Variants in CSMD2 observed in about 807,000 individuals in gnomAD.
CSMD2 encodes CUB and Sushi multiple domains 2.
CSMD2 carries 130 observed loss-of-function variants against 398.5 expected under a neutral mutation model. The observed-to-expected ratio is 0.33, with a 90% CI of 0.28 to 0.38. CSMD2 has a LOEUF of 0.38. Ranked by LOEUF, CSMD2 falls within the 10% of genes least tolerant of loss-of-function variation. The pLI is 1.00. For missense variants in CSMD2, 3,829 were observed against 4,764.9 expected (o/e 0.80, Z 5.78); for synonymous variants, 1,828 against 1,908.5 (o/e 0.96, Z 1.10).
intron 1 of CSMD2, among the ~76,000 whole-genome samples, chr1:34,148,909 C>T (rs767850922): frequency 6.6e-6 from 1 of 152,134 alleles, no homozygotes; most frequent in Non-Finnish European, 1.5e-5. Flanking sequence ...CCAAGAGGCT[C>T]CATTTCTAAC....
rs144275868 is a variant in CSMD2, at chr1:33,902,814, G to T, written c.920+15280C>A. Among the ~76,000 whole-genome samples, 219 of 152,256 alleles carry T rather than the reference G, an allele frequency of 1.4e-3. 1 individual carries two copies. Among genetic ancestry groups the T allele is most frequent in the Non-Finnish European group, 2.0e-3 (134 of 68,020 alleles). ...GGTCCCCAAGTTCACTCCTGAGAGT[G>T]GGAAGCCTGTTCATCACCCTCTGAT... On this transcript the variant is annotated intron_variant, in intron 5 of 70. Coordinates refer to ENST00000373381, the MANE Select transcript of CSMD2 (RefSeq NM_001281956.2).
rs1654859538 is a variant in CSMD2, at chr1:33,527,265, G to A, written c.10172-7C>T. Reference sequence around the variant, plus strand: ...CTCCCACTGGGCCGGACCTCTGCTGGGGAAAAAGAGTGGAAGAAAACAGGT... The same window carrying A: ...CTCCCACTGGGCCGGACCTCTGCTGAGGAAAAAGAGTGGAAGAAAACAGGT... On this transcript the variant is annotated splice_polypyrimidine_tract_variant and splice_region_variant and intron_variant, in intron 64 of 70. Coordinates refer to ENST00000373381, the MANE Select transcript of CSMD2 (RefSeq NM_001281956.2). The A allele has an allele frequency of 6.2e-7, 1 of 1,608,160 alleles. No homozygotes were observed. Among genetic ancestry groups the A allele is most frequent in the Admixed American group, 1.7e-5 (1 of 58,894 alleles).
chr1:34,016,720 T>C (rs1648166625), intron 3 of CSMD2, among the ~76,000 whole-genome samples: 1 of 152,226 alleles, frequency 6.6e-6, no homozygotes, highest in Non-Finnish European at 1.5e-5. Flanking sequence ...AGTGATAGAC[T>C]GCATAAAGAA....
intron 4 of CSMD2, among the ~76,000 whole-genome samples, chr1:33,926,998 G>A (rs140575491): frequency 6.6e-6 from 1 of 152,258 alleles, no homozygotes; most frequent in African/African-American, 2.4e-5. Flanking sequence ...TGGGGTCCTT[G>A]GAATTGGCTT....
At chr1:33,665,627 T>C (rs1644285887) in intron 25 of CSMD2, among the ~76,000 whole-genome samples, 1 of 151,976 alleles carries the variant, frequency 6.6e-6, no homozygotes, top group Admixed American at 6.6e-5. Context: ...GGGGTTTTTC[T>C]GTGTTGCTCA....
intron 3 of CSMD2, among the ~76,000 whole-genome samples, chr1:34,003,621 G>A (rs1646968859): frequency 6.6e-6 from 1 of 152,158 alleles, no homozygotes; most frequent in African/African-American, 2.4e-5. Context: ...TGCTGGCATG[G>A]ATTAGGTTGC....
chr1:34,159,603 T>C (rs1641142909), intron 1 of CSMD2, among the ~76,000 whole-genome samples: 1 of 152,210 alleles, frequency 6.6e-6, no homozygotes, highest in Admixed American at 6.5e-5. Flanking sequence ...ATTTACTTAG[T>C]GCGTGGATAA....
intron 28 of CSMD2, among the ~76,000 whole-genome samples, 165 bp from the exon 29 acceptor site, chr1:33,647,000 C>T (rs938307302): frequency 1.3e-5 from 2 of 152,066 alleles, no homozygotes; most frequent in Non-Finnish European, 2.9e-5. Context: ...AAGATGAGGC[C>T]CTGATGACCT....
chr1:33,756,092 T>C (rs1648973169), intron 13 of CSMD2, among the ~76,000 whole-genome samples: 1 of 152,232 alleles, frequency 6.6e-6, no homozygotes. Flanking sequence ...GACCGTCCCT[T>C]GGCAGTCATT....
intron 1 of CSMD2, among the ~76,000 whole-genome samples, chr1:34,142,413 C>A (rs1424738446): frequency 6.6e-6 from 1 of 152,156 alleles, no homozygotes; most frequent in Non-Finnish European, 1.5e-5. Flanking sequence ...AGACGCAAGT[C>A]CTGAAATTCA....
intron 22 of CSMD2, 53 bp downstream of exon 22, chr1:33,709,036 G>A (rs1052955126): frequency 6.9e-7 from 1 of 1,459,280 alleles, no homozygotes; most frequent in African/African-American, 1.4e-5. Flanking sequence ...AGTGAGTATT[G>A]ACTAGACTAT....
At chr1:33,589,940 A>T (rs549949489) in intron 44 of CSMD2, among the ~76,000 whole-genome samples, 1 of 152,204 alleles carries the variant, frequency 6.6e-6, no homozygotes, top group South Asian at 2.1e-4. Context: ...AATTTTTCTT[A>T]ATAAGTTAAA....
intron 3 of CSMD2, 152 bp from the exon 4 acceptor site, chr1:33,936,106 C>A: frequency 1.6e-6 from 1 of 618,236 alleles, no homozygotes; most frequent in Non-Finnish European, 2.8e-6. Context: ...CTGATCTGCC[C>A]GCTTCTCAAG....
At chr1:33,757,986 A>C (rs559280713) in intron 13 of CSMD2, among the ~76,000 whole-genome samples, 13 of 152,326 alleles carry the variant, frequency 8.5e-5, no homozygotes, top group Middle Eastern at 3.4e-3. Context: ...TGAAACTCAC[A>C]AATTCTTTTG....
chr1:34,100,067 T>C (rs1659797780), intron 1 of CSMD2, among the ~76,000 whole-genome samples: 3 of 152,220 alleles, frequency 2.0e-5, no homozygotes. Context: ...AGGCAACTGC[T>C]GTTAATATTT....
intron 24 of CSMD2, among the ~76,000 whole-genome samples, chr1:33,694,704 G>GT (rs1469784851): frequency 1.3e-5 from 2 of 152,200 alleles, no homozygotes; most frequent in African/African-American, 4.8e-5. Flanking sequence ...GTCTCAGGTA[G>GT]TATCTTTACA....
chr1:33,873,680 T>A (rs966812425), intron 5 of CSMD2: 2 of 152,240 alleles, frequency 1.3e-5, no homozygotes, highest in Non-Finnish European at 2.9e-5. Context: ...AGCTTTGAGA[T>A]GACTGCCGCC....
In CSMD2 at chr1:33,693,070, CA is replaced by C. The variant is rs1485432291; in HGVS notation, c.3926-15del. ...CTCCACACTCGGCTGAAAGAAATCC[CA>C]AAAGAGTGAGCTTCATGGGGTGGCC... On this transcript the variant is annotated splice_polypyrimidine_tract_variant and intron_variant, in intron 24 of 70. Coordinates refer to ENST00000373381, the MANE Select transcript of CSMD2 (RefSeq NM_001281956.2). 6.3e-7 allele frequency: 1 copy of C among 1,585,404 alleles called. No homozygotes were observed. The highest frequency in any genetic ancestry group is 1.4e-5 in the African/African-American group (1 of 73,472).
intron 3 of CSMD2, among the ~76,000 whole-genome samples, chr1:34,018,135 T>C (rs1648388779): frequency 1.3e-5 from 2 of 152,248 alleles, no homozygotes; most frequent in African/African-American, 2.4e-5. Context: ...CTTTACATGT[T>C]TGTAATAAAT....
Sources: allele counts gnomAD v4.1 joint callset (sites outside exome capture counted in the v4.1 genomes callset), GRCh38; gene constraint gnomAD v4.1.1; transcripts MANE v1.5; gene names NCBI Gene and HGNC (gene_info 2026-07-23, HGNC 2026-07-21).